The following KCNQ1 variants were observed in gnomAD, a reference collection of about 807,000 sequenced individuals.
KCNQ1 encodes potassium voltage-gated channel subfamily KQT member 1.
KCNQ1 carries 49 observed loss-of-function variants against 72.4 expected under a neutral mutation model. That is an observed-to-expected ratio of 0.68 (90% CI 0.54 to 0.86). The LOEUF is 0.86. KCNQ1 is among the 40% of genes least tolerant of loss of function. The pLI, the probability that KCNQ1 is intolerant of heterozygous loss-of-function variation, is 0.00. For synonymous variants in KCNQ1, 450 were observed against 412.6 expected (o/e 1.09, Z -1.10); for missense variants, 790 against 945.1 (o/e 0.84, Z 2.15).
chr11:2,633,500 A>C (rs1849398491), intron 10 of KCNQ1: 2 of 398,508 alleles, frequency 5.0e-6, no homozygotes. Flanking sequence ...TGTTTGCTTC[A>C]GGTCTCATGT....
intron 2 of KCNQ1, among the ~76,000 whole-genome samples, chr11:2,533,723 G>T (rs1847680035): frequency 6.6e-6 from 1 of 152,214 alleles, no homozygotes; most frequent in Non-Finnish European, 1.5e-5. Flanking sequence ...GAAGCCAGCT[G>T]CTGCTAGAAA....
In KCNQ1 at chr11:2,538,820, G is replaced by T. The variant is rs553491858; in HGVS notation, c.477+10802G>T. On this transcript the variant is annotated intron_variant, in intron 2 of 15. Coordinates refer to ENST00000155840, the MANE Select transcript of KCNQ1 (RefSeq NM_000218.3). This position sits in a 1 kb window ranked among gnomAD's most constrained non-coding sequence, Gnocchi z 6.7. ...TGTTCAGAACAAGATGGGGTGGGGT[G>T]GGGGGCAGTGAGGGGCCTGGGGCAG... Among the ~76,000 whole-genome samples the T allele has an allele frequency of 2.0e-5, 3 of 151,498 alleles. No individual in the cohort carries two copies. The highest frequency in any genetic ancestry group is 1.3e-4 in the Admixed American group (2 of 15,254).
chr11:2,504,307 G>A (rs893850088), intron 1 of KCNQ1, among the ~76,000 whole-genome samples: 1 of 151,480 alleles, frequency 6.6e-6, no homozygotes, highest in Non-Finnish European at 1.5e-5. Flanking sequence ...TAGAGTAAAA[G>A]GATGGTTACC....
Position 2,724,996 on chromosome 11 carries a change from C to A in KCNQ1, c.1515-43848C>A, listed in dbSNP as rs113364136. Among the ~76,000 whole-genome samples, 1 of 152,170 alleles carries A rather than the reference C, an allele frequency of 6.6e-6. No individual in the cohort carries two copies. Among genetic ancestry groups the A allele is most frequent in the Non-Finnish European group, 1.5e-5 (1 of 68,036 alleles). ...AGCCACTGGATTGGAACTTGGTGTG[C>A]CACCAGGGTCCCTGTCCGTTTAAGA... On this transcript the variant is annotated intron_variant, in intron 11 of 15. Transcript: ENST00000155840. The surrounding 1 kb of genome is among the most constrained non-coding windows in gnomAD (Gnocchi z 6.8).
rs1419212915 is a variant in KCNQ1 at position 2,494,482 on chromosome 11, T to C, written c.387-33446T>C. 1.3e-5 allele frequency among the ~76,000 whole-genome samples: 2 copies of C among 152,176 alleles called. No individual in the cohort carries two copies. The highest frequency in any genetic ancestry group is 4.8e-5 in the African/African-American group (2 of 41,414). Reference sequence around the variant, plus strand: ...CGTTCAGTATGATATTGCCTGTGGGTTTGTCATAAATAGCTCTTGTTATTT... The same window carrying C: ...CGTTCAGTATGATATTGCCTGTGGGCTTGTCATAAATAGCTCTTGTTATTT... On this transcript the variant is annotated intron_variant, in intron 1 of 15. Transcript: ENST00000155840. This position sits in a 1 kb window ranked among gnomAD's most constrained non-coding sequence, Gnocchi z 4.6.
Position 2,681,685 on chromosome 11 carries a change from G to A in KCNQ1, c.1514+19604G>A, listed in dbSNP as rs1463054064. On this transcript the variant is annotated intron_variant, in intron 11 of 15. Coordinates refer to ENST00000155840, the MANE Select transcript of KCNQ1 (RefSeq NM_000218.3). ...GGTGCTCCCTCACCCTTAAAGACCA[G>A]GCTGCCGTTGCTTCCCATGTGTCTG... 2.4e-5 allele frequency: 7 copies of A among 291,386 alleles called. No individual in the cohort carries two copies. In the East Asian group the frequency reaches 3.0e-4, roughly 13 times the overall value. The allele number at this position is 291,386 out of a possible 1,614,324, so 18.1% of individuals were successfully genotyped here.
rs1277528248 is a variant in KCNQ1, at chr11:2,543,573, C to A, written c.477+15555C>A. On this transcript the variant is annotated intron_variant, in intron 2 of 15. Transcript: ENST00000155840. The surrounding 1 kb of genome is among the most constrained non-coding windows in gnomAD (Gnocchi z 5.6). ...ACAGGTGTGAGCCACTGCTCCAGGC[C>A]CAATAGTATCTTTTAAAGACCAAAC... 6.6e-6 allele frequency among the ~76,000 whole-genome samples: 1 copy of A among 152,052 alleles called. No homozygotes were observed. Among genetic ancestry groups the A allele is most frequent in the African/African-American group, 2.4e-5 (1 of 41,390 alleles).
At chr11:2,632,451 G>A (rs1208928087) in intron 10 of KCNQ1, 1 of 398,240 alleles carries the variant, frequency 2.5e-6, no homozygotes, top group Non-Finnish European at 4.4e-6. Context: ...GATCTTAGAG[G>A]AAAAGCTCTT....
rs1033183263 is a variant in KCNQ1, at chr11:2,579,087, A to G, written c.922-4348A>G. ...AGGACCACCCCTTCCTTCTGGGCAA[A>G]TGACTACCACGTTTCCAGCCGGGGC... On this transcript the variant is annotated intron_variant, in intron 6 of 15. Transcript: ENST00000155840. This position sits in a 1 kb window ranked among gnomAD's most constrained non-coding sequence, Gnocchi z 6.0. Among the ~76,000 whole-genome samples the G allele has an allele frequency of 6.6e-6, 1 of 152,056 alleles. No individual in the cohort carries two copies. The highest frequency in any genetic ancestry group is 2.4e-5 in the African/African-American group (1 of 41,408).
At chr11:2,644,190 C>T in intron 10 of KCNQ1, 2 of 398,488 alleles carry the variant, frequency 5.0e-6, no homozygotes, top group Middle Eastern at 6.3e-4. Flanking sequence ...GTTTTATAAT[C>T]TTTTGGTTTG....
rs537910940 is a variant in KCNQ1 at position 2,608,463 on chromosome 11, C to G, written c.1393+19609C>G. On this transcript the variant is annotated intron_variant, in intron 10 of 15. Transcript: ENST00000155840. The surrounding 1 kb of genome is among the most constrained non-coding windows in gnomAD (Gnocchi z 4.6). Reference sequence around the variant, plus strand: ...TCTGTCAGGTTGGTAGTATACTTCCCTCATTCATTCCTTTTTCCTTTTCTT... The same window carrying G: ...TCTGTCAGGTTGGTAGTATACTTCCGTCATTCATTCCTTTTTCCTTTTCTT... 3 of 398,426 alleles carry G rather than the reference C, an allele frequency of 7.5e-6. No individual in the cohort carries two copies. The highest frequency in any genetic ancestry group is 4.4e-6 in the Non-Finnish European group (1 of 226,010). The allele number at this position is 398,426 out of a possible 1,614,324, so 24.7% of individuals were successfully genotyped here.
rs778689501 is a variant in KCNQ1 at position 2,827,730 on chromosome 11, G to A, written c.1795-20037G>A. On this transcript the variant is annotated intron_variant, in intron 15 of 15. Transcript: ENST00000155840. The surrounding 1 kb of genome is among the most constrained non-coding windows in gnomAD (Gnocchi z 6.7). The stretch of plus-strand genomic sequence containing the variant: ...TGTGGCTTGGAGGCCAGACCAGAAG[G>A]ACTCAGATAGGAGTTGGGCGCTTGA... 7.2e-5 allele frequency among the ~76,000 whole-genome samples: 11 copies of A among 152,204 alleles called. No individual in the cohort carries two copies. The highest frequency in any genetic ancestry group is 1.6e-4 in the Non-Finnish European group (11 of 68,042).
chr11:2,779,545 G>A (rs1416492198), intron 15 of KCNQ1, among the ~76,000 whole-genome samples: 1 of 152,154 alleles, frequency 6.6e-6, no homozygotes, highest in East Asian at 1.9e-4. Context: ...AGCACAGGCT[G>A]GGGACAGCCC....
Position 2,627,182 on chromosome 11 carries a change from C to CA in KCNQ1, c.1394-34778dup. On this transcript the variant is annotated intron_variant, in intron 10 of 15. Coordinates refer to ENST00000155840, the MANE Select transcript of KCNQ1 (RefSeq NM_000218.3). This position sits in a 1 kb window ranked among gnomAD's most constrained non-coding sequence, Gnocchi z 4.9. ...AGTTTGTTATTCTTGATGCTTTTTT[C>CA]AGCTTTTATTGAGGTATAATTGACA... is the stretch of plus-strand genomic sequence containing the variant. 1 of 398,386 alleles carries CA rather than the reference C, an allele frequency of 2.5e-6. No homozygotes were observed. The highest frequency in any genetic ancestry group is 4.4e-6 in the Non-Finnish European group (1 of 226,006). 24.7% of individuals were successfully genotyped at this position (398,386 alleles called of 1,614,324 possible). A position where few individuals can be genotyped will look rare whatever the true frequency, so the allele number is the denominator to read the frequency against.
chr11:2,456,230 C>T (rs113715101), intron 1 of KCNQ1, among the ~76,000 whole-genome samples: 11 of 151,352 alleles, frequency 7.3e-5, no homozygotes, highest in South Asian at 6.2e-4. Flanking sequence ...CCCAGCTACC[C>T]GGGAAGCTGA....
intron 11 of KCNQ1, chr11:2,684,442 G>C (rs147173878): frequency 2.5e-6 from 1 of 398,520 alleles, no homozygotes; most frequent in Admixed American, 4.4e-5. Context: ...ATTTGAAAAC[G>C]TGTTCTTTTG....
In KCNQ1 at chr11:2,592,467, A is replaced by G. The variant is rs59676063; in HGVS notation, c.1393+3613A>G. ...GGAGGCACCAGCCCTCATCCCACGC[A>G]GCAGGGCCCGCTGCTGCTCCCTCAA... On this transcript the variant is annotated intron_variant, in intron 10 of 15. Coordinates refer to ENST00000155840, the MANE Select transcript of KCNQ1 (RefSeq NM_000218.3). The surrounding 1 kb of genome is among the most constrained non-coding windows in gnomAD (Gnocchi z 5.2). 0.05 allele frequency among the ~76,000 whole-genome samples: 7,659 copies of G among 151,976 alleles called. 265 individuals are homozygous for G. The highest frequency in any genetic ancestry group is 0.092 in the African/African-American group (3,834 of 41,490).
rs1359659529 is a variant in KCNQ1, at chr11:2,608,268, C to G, written c.1393+19414C>G. ...GGCTTTTCTTTTCAACTAGTGTTCT[C>G]ATAACTAATTCAATCTCTTTAACTT... On this transcript the variant is annotated intron_variant, in intron 10 of 15. Coordinates refer to ENST00000155840, the MANE Select transcript of KCNQ1 (RefSeq NM_000218.3). This position sits in a 1 kb window ranked among gnomAD's most constrained non-coding sequence, Gnocchi z 4.6. The G allele has an allele frequency of 2.5e-6, 1 of 397,274 alleles. No homozygotes were observed. The highest frequency in any genetic ancestry group is 4.4e-6 in the Non-Finnish European group (1 of 225,754). 24.6% of individuals were successfully genotyped at this position (397,274 alleles called of 1,614,324 possible).
chr11:2,561,800 C>CTT (rs1848171342), intron 2 of KCNQ1, among the ~76,000 whole-genome samples: 7 of 152,200 alleles, frequency 4.6e-5, no homozygotes, highest in Admixed American at 3.3e-4. Flanking sequence ...TGTGCAGGGG[C>CTT]CCAGAAGCCC....
Sources: allele counts gnomAD v4.1 joint callset (sites outside exome capture counted in the v4.1 genomes callset), GRCh38; gene constraint gnomAD v4.1.1; non-coding constraint Gnocchi (gnomAD v3.1); transcripts MANE v1.5; gene names NCBI Gene and HGNC (gene_info 2026-07-23, HGNC 2026-07-21).